Variants in ADAM33 observed in about 807,000 individuals in gnomAD.
ADAM33 encodes ADAM metallopeptidase domain 33.
In ADAM33, 103 loss-of-function variants were observed where a neutral mutation model predicts 106.2. The observed-to-expected ratio is 0.97, with a 90% confidence interval of 0.83 to 1.14. The LOEUF (loss-of-function observed/expected upper bound fraction) is 1.14. ADAM33 is among the 50% of genes most tolerant of loss of function. The pLI, the probability that ADAM33 is intolerant of heterozygous loss-of-function variation, is 0.00. For missense variants in ADAM33, 1,120 were observed against 1,096.6 expected, an observed-to-expected ratio of 1.02 and a Z score of -0.30; for synonymous variants, 483 against 453.0, an observed-to-expected ratio of 1.07 and a Z score of -0.84.
chr20:3,673,808 G>A lies in ADAM33; in HGVS notation c.842C>T (p.Ala281Val), dbSNP rs1325384226. The change falls in exon 9 of 22, where the codon GCC (alanine) becomes GTC (valine). Residue 281 changes from alanine (A) to valine (V), a missense_variant. Transcript: ENST00000356518. ...CAGCCCCCGGCGCCACTGCAGGAAG[G>A]CCCAGAGCGTGGCGTTGGCGTCCTG... ...VTQDANATLWAFLQWRRGLWA... is the reference protein window; with the variant it reads ...VTQDANATLWVFLQWRRGLWA... 3.9e-6 allele frequency: 6 copies of A among 1,545,112 alleles called. No homozygotes were observed. Among genetic ancestry groups the A allele is most frequent in the Non-Finnish European group, 5.2e-6 (6 of 1,152,066 alleles).
intron 19 of ADAM33, 96 bp from the exon 20 acceptor site, chr20:3,669,733 G>A (rs998869275): frequency 1.9e-5 from 22 of 1,132,492 alleles, no homozygotes; most frequent in Non-Finnish European, 2.3e-5. Context: ...GGAGTTCTGC[G>A]TTTACTGAGT....
rs1460029937 is a variant in ADAM33 at position 3,673,659 on chromosome 20, C to CT, written c.906-2dup. 12 of 1,346,732 alleles carry CT rather than the reference C, an allele frequency of 8.9e-6. No individual in the cohort carries two copies. The highest frequency in any genetic ancestry group is 1.1e-5 in the Non-Finnish European group (12 of 1,056,392). 83.4% of individuals were successfully genotyped at this position (1,346,732 alleles called of 1,614,324 possible). Reference sequence around the variant, plus strand: ...TGTGGCGCCCTGGAAGGCGCGGCCCCTGGGGGCGGAGCGCGGCGTGACCAG... The same window carrying CT: ...TGTGGCGCCCTGGAAGGCGCGGCCCCTTGGGGGCGGAGCGCGGCGTGACCAG... On this transcript the variant is annotated splice_acceptor_variant, in intron 9 of 21. Coordinates refer to ENST00000356518, the MANE Select transcript of ADAM33 (RefSeq NM_025220.5). LOFTEE classifies it high-confidence loss of function.
At chr20:3,671,559 G>A in intron 16 of ADAM33, 22 bp downstream of exon 16, 1 of 1,607,666 alleles carries the variant, frequency 6.2e-7, no homozygotes, top group Non-Finnish European at 8.5e-7. Context: ...CGGCAAGGAG[G>A]GGTCGGGTGG....
chr20:3,672,677 C>T (rs777043146), intron 12 of ADAM33, 44 bp downstream of exon 12: 1 of 1,606,878 alleles, frequency 6.2e-7, no homozygotes, highest in South Asian at 1.1e-5. Flanking sequence ...GCGCCCCAGA[C>T]CTGAGCGGAG....
At position 3,668,193 on chromosome 20, in the gene ADAM33, G is replaced by A. The variant is rs952091727; in HGVS notation, c.*770C>T. The A allele has an allele frequency of 6.6e-6, 1 of 152,620 alleles. No homozygotes were observed. Among genetic ancestry groups the A allele is most frequent in the African/African-American group, 2.4e-5 (1 of 41,436 alleles). The allele number at this position is 152,620 out of a possible 1,614,324, so 9.5% of individuals were successfully genotyped here. ...GTGTCTTGCTGTGTTGCCCAGGCTG[G>A]TGTGGACCTGCTGGCCTCTGGTGAT... On this transcript the variant is annotated 3_prime_UTR_variant, in exon 22 of 22. Transcript: ENST00000356518.
At position 3,673,554 on chromosome 20, in the gene ADAM33, C is replaced by A; in HGVS notation, c.990+20G>T. On this transcript the variant is annotated intron_variant, in intron 10 of 21. Coordinates refer to ENST00000356518, the MANE Select transcript of ADAM33 (RefSeq NM_025220.5). ...CGTAGAGCCTCCTGTCTCTCCCTCG[C>A]CCCCGCCCGCGGGGCTCACCGTGCT... The A allele has an allele frequency of 7.1e-7, 1 of 1,403,364 alleles. No homozygotes were observed. Among genetic ancestry groups the A allele is most frequent in the Non-Finnish European group, 9.2e-7 (1 of 1,085,374 alleles). 86.9% of individuals were successfully genotyped at this position (1,403,364 alleles called of 1,614,324 possible).
chr20:3,680,339 TC>T, intron 1 of ADAM33, among the ~76,000 whole-genome samples: 1 of 151,790 alleles, frequency 6.6e-6, no homozygotes, highest in Non-Finnish European at 1.5e-5. Context: ...CAGCCCTCCT[TC>T]CCCCGGTACC....
intron 19 of ADAM33, 29 bp downstream of exon 19, chr20:3,670,977 G>A (rs779314466): frequency 6.5e-7 from 1 of 1,528,056 alleles, no homozygotes; most frequent in African/African-American, 1.4e-5. Context: ...CGCAGGAGTA[G>A]GCTCAGGAAG....
Position 3,672,603 on chromosome 20 carries a change from A to C in ADAM33, c.1335T>G (p.Phe445Leu). The part of the protein sequence containing the change: ...PGQECRDLCC[F>L]AHNCSLRPGA... ...CCGGGCGCAGCGAGCAGTTGTGAGC[A>C]AAGCAGCAGAGGTCGCGGCACTCCT... Residue 445 changes from phenylalanine to leucine, a missense_variant, in exon 13 of 22, where the codon TTT becomes TTG. Phe to Leu is a conservative substitution (Grantham distance 22). Transcript: ENST00000356518. 1 of 1,613,562 alleles carries C rather than the reference A, an allele frequency of 6.2e-7. No homozygotes were observed. Among genetic ancestry groups the C allele is most frequent in the Non-Finnish European group, 8.5e-7 (1 of 1,179,914 alleles).
intron 19 of ADAM33, chr20:3,669,878 T>C (rs1156349456): frequency 3.6e-6 from 2 of 557,032 alleles, no homozygotes; most frequent in South Asian, 1.9e-5. Context: ...GTCCTAACAT[T>C]TCCTCCAGGC....
rs1450072563 is a variant in ADAM33 at position 3,671,253 on chromosome 20, G to A, written c.2076C>T (p.Gly692=). ...CTGGCATACTTTCAGCCTGCACAGGGCCACTGTCCATGCTGCCACCAAAGC... is the reference window on the plus strand; with the variant it reads ...CTGGCATACTTTCAGCCTGCACAGGACCACTGTCCATGCTGCCACCAAAGC... ...KPGFGGSMDS[G]PVQAENHDTF... The change falls in exon 18 of 22, where the codon GGC becomes GGT. Residue 692 remains glycine, a synonymous_variant. Coordinates refer to ENST00000356518, the MANE Select transcript of ADAM33 (RefSeq NM_025220.5). 7.4e-6 allele frequency: 12 copies of A among 1,613,802 alleles called. No individual in the cohort carries two copies. Among genetic ancestry groups the A allele is most frequent in the Non-Finnish European group, 9.3e-6 (11 of 1,179,984 alleles).
intron 2 of ADAM33, 33 bp downstream of exon 2, chr20:3,679,459 C>A: frequency 6.3e-7 from 1 of 1,582,310 alleles, no homozygotes; most frequent in Non-Finnish European, 8.6e-7. Flanking sequence ...AGGTTCAGGG[C>A]CCCTGTGGAG....
rs769021215 is a variant in ADAM33, at chr20:3,674,288, C to A, written c.601-4G>T. The A allele has an allele frequency of 5.0e-6, 8 of 1,613,696 alleles. No individual in the cohort carries two copies. The African/African-American group carries it at 5.3e-5, about 11-fold the overall frequency. ...TCCTGCGCGCTTCTCGCCTGCCCTGCGGAGGTGCAAATGGGGACCCTGAGT... is the reference window on the plus strand; with the variant it reads ...TCCTGCGCGCTTCTCGCCTGCCCTGAGGAGGTGCAAATGGGGACCCTGAGT... On this transcript the variant is annotated splice_polypyrimidine_tract_variant and splice_region_variant and intron_variant, in intron 6 of 21. Transcript: ENST00000356518.
Position 3,674,780 on chromosome 20 carries a change from C to T in ADAM33, c.403G>A (p.Gly135Arg). Residue 135 changes from glycine (G) to arginine (R), a missense_variant, in exon 5 of 22, where the codon GGG (glycine) becomes AGG (arginine). Transcript: ENST00000356518. ...DSWVVLCTCS[G>R]MSGLITLSRN... ...TCCTCTCCCAGAGCTCACCTCATCC[C>T]AGAGCAGGTGCAGAGGACTACCCAG... The T allele has an allele frequency of 6.2e-7, 1 of 1,608,580 alleles. No homozygotes were observed. Among genetic ancestry groups the T allele is most frequent in the Non-Finnish European group, 8.5e-7 (1 of 1,177,206 alleles).
chr20:3,669,082 C>G, intron 21 of ADAM33, 82 bp from the exon 22 acceptor site: 6 of 1,449,426 alleles, frequency 4.1e-6, no homozygotes, highest in South Asian at 1.1e-5. Flanking sequence ...CATCCTCACT[C>G]AGTGAGGACC....
intron 9 of ADAM33, 38 bp downstream of exon 9, chr20:3,673,707 C>T: frequency 1.5e-6 from 2 of 1,374,352 alleles, no homozygotes; most frequent in South Asian, 1.7e-5. Context: ...GGTGAGGCCG[C>T]CCCACCCGGG....
Position 3,671,760 on chromosome 20 carries a change from G to T in ADAM33, c.1726C>A (p.Leu576Met). The stretch of plus-strand genomic sequence containing the variant: ...CTGGGCTTTCCACCCTGGCACTGCA[G>T]CTTCCCACACAGGGCATCCCTGGGG... ...CAGRDALCGK[L>M]QCQGGKPSLL... Residue 576 changes from leucine to methionine, a missense_variant, in exon 16 of 22, where the codon CTG (leucine) becomes ATG (methionine). By Grantham distance (15) the Leu-to-Met change is conservative. Coordinates refer to ENST00000356518, the MANE Select transcript of ADAM33 (RefSeq NM_025220.5). 1 of 1,568,890 alleles carries T rather than the reference G, an allele frequency of 6.4e-7. No homozygotes were observed. The highest frequency in any genetic ancestry group is 8.6e-7 in the Non-Finnish European group (1 of 1,156,630).
At chr20:3,672,456 T>C (rs2087604060) in intron 13 of ADAM33, 81 bp downstream of exon 13, 7 of 1,584,138 alleles carry the variant, frequency 4.4e-6, no homozygotes, top group Middle Eastern at 1.7e-4. Flanking sequence ...CGGGGGAACC[T>C]GAGGGCACCA....
chr20:3,670,922 C>A, intron 19 of ADAM33, 84 bp downstream of exon 19: 1 of 1,451,682 alleles, frequency 6.9e-7, no homozygotes, highest in Non-Finnish European at 9.1e-7. Flanking sequence ...GGCTGAGGGC[C>A]TGCCCCAGCT....
Sources: gnomAD v4.1 joint callset for allele counts (sites outside exome capture counted in the v4.1 genomes callset) on GRCh38, gnomAD v4.1.1 for gene constraint, MANE v1.5 for transcripts, NCBI Gene and HGNC (gene_info 2026-07-23, HGNC 2026-07-21) for gene names.